CRK: variants seen among roughly 807,000 people sequenced by gnomAD.
CRK encodes CRK proto-oncogene, adaptor protein.
In CRK, 4 loss-of-function variants were observed where a neutral mutation model predicts 29.8. The observed-to-expected ratio is 0.13, with a 90% confidence interval of 0.07 to 0.31. CRK has a LOEUF of 0.31. Ranked by LOEUF, CRK falls within the 10% of genes least tolerant of loss-of-function variation. The pLI is 1.00. For synonymous variants in CRK, 153 were observed against 164.9 expected, an observed-to-expected ratio of 0.93 and a Z score of 0.55; for missense variants, 274 against 396.5, an observed-to-expected ratio of 0.69 and a Z score of 2.62.
intron 1 of CRK, among the ~76,000 whole-genome samples, chr17:1,446,179 C>T (rs2073973324): frequency 6.6e-6 from 1 of 152,152 alleles, no homozygotes; most frequent in Non-Finnish European, 1.5e-5. Context: ...ACACAGCAAG[C>T]ACAGTGTGGC....
At chr17:1,443,538 G>GGCGCCCGCCACC (rs928234698) in intron 1 of CRK, among the ~76,000 whole-genome samples, 3 of 151,836 alleles carry the variant, frequency 2.0e-5, no homozygotes, top group African/African-American at 7.3e-5. Context: ...TGGGACTACA[G>GGCGCCCGCCACC]GCGCCCGCCA....
chr17:1,423,787 C>G lies in CRK; in HGVS notation c.778-137G>C, dbSNP rs1481814036. 19 of 1,011,392 alleles carry G rather than the reference C, an allele frequency of 1.9e-5. No individual in the cohort carries two copies. The South Asian group carries it at 3.3e-4, about 18-fold the overall frequency. The allele number at this position is 1,011,392 out of a possible 1,614,324, so 62.7% of individuals were successfully genotyped here. ...CAGAAATGGCCATTTGCTGCCTCCC[C>G]AGCCCCAGCCACCAGACTGATTACT... On this transcript the variant is annotated intron_variant, in intron 2 of 2. Coordinates refer to ENST00000300574, the MANE Select transcript of CRK (RefSeq NM_016823.4).
intron 1 of CRK, among the ~76,000 whole-genome samples, chr17:1,448,990 C>T (rs563453591): frequency 2.0e-5 from 3 of 152,284 alleles, no homozygotes; most frequent in African/African-American, 7.2e-5. Context: ...GACGGAGCCA[C>T]TGCACACCAG....
chr17:1,439,475 T>C (rs543438597), intron 1 of CRK, among the ~76,000 whole-genome samples: 29 of 152,228 alleles, frequency 1.9e-4, no homozygotes, highest in South Asian at 1.0e-3. Flanking sequence ...ACTATTTTCA[T>C]TGGATTTTTC....
At chr17:1,447,141 T>G (rs1179930430) in intron 1 of CRK, among the ~76,000 whole-genome samples, 1 of 105,514 alleles carries the variant, frequency 9.5e-6, no homozygotes, top group East Asian at 2.4e-4. Flanking sequence ...CATGGCTGTG[T>G]GTTCCGGCTC....
chr17:1,440,458 G>A (rs903276389), intron 1 of CRK, among the ~76,000 whole-genome samples: 10 of 151,594 alleles, frequency 6.6e-5, no homozygotes, highest in Non-Finnish European at 1.3e-4. Context: ...GCAAGACCTT[G>A]ACTCTTAAAA....
At chr17:1,446,597 T>C (rs1291115336) in intron 1 of CRK, among the ~76,000 whole-genome samples, 1 of 149,830 alleles carries the variant, frequency 6.7e-6, no homozygotes, top group African/African-American at 2.5e-5. Context: ...TGACTTTTTT[T>C]TTTTTTTTTT....
intron 2 of CRK, among the ~76,000 whole-genome samples, chr17:1,430,660 C>T (rs1014324982): frequency 1.3e-5 from 2 of 151,800 alleles, no homozygotes; most frequent in Non-Finnish European, 2.9e-5. Flanking sequence ...CCACCACACC[C>T]AGCCTGATTC....
chr17:1,429,841 G>A (rs561204776), intron 2 of CRK, among the ~76,000 whole-genome samples: 21 of 151,796 alleles, frequency 1.4e-4, no homozygotes, highest in Non-Finnish European at 2.8e-4. Context: ...GCTGAGGTAG[G>A]GGGATCACAA....
chr17:1,444,874 C>A (rs1259008088), intron 1 of CRK, among the ~76,000 whole-genome samples: 3 of 149,666 alleles, frequency 2.0e-5, no homozygotes, highest in Non-Finnish European at 4.4e-5. Flanking sequence ...AGGGGCCAGG[C>A]ACGATGGCTC....
chr17:1,445,223 C>A (rs912291699), intron 1 of CRK, among the ~76,000 whole-genome samples: 1 of 152,098 alleles, frequency 6.6e-6, no homozygotes, highest in Non-Finnish European at 1.5e-5. Context: ...AATGAAAAGT[C>A]CTTCCGGTAG....
At chr17:1,442,881 A>G (rs1480931413) in intron 1 of CRK, among the ~76,000 whole-genome samples, 1 of 150,854 alleles carries the variant, frequency 6.6e-6, no homozygotes, top group Non-Finnish European at 1.5e-5. Flanking sequence ...TGCTGGGATG[A>G]CAGGCGTGAG....
intron 1 of CRK, among the ~76,000 whole-genome samples, chr17:1,454,292 G>A (rs1405635753): frequency 6.6e-6 from 1 of 152,134 alleles, no homozygotes; most frequent in Non-Finnish European, 1.5e-5. Flanking sequence ...TGTAATCCCA[G>A]CACTTTGGGA....
At chr17:1,432,771 C>T (rs572086701) in intron 2 of CRK, among the ~76,000 whole-genome samples, 4 of 138,922 alleles carry the variant, frequency 2.9e-5, no homozygotes, top group African/African-American at 1.1e-4. Flanking sequence ...AGCGAGACTC[C>T]GTCTCAAAAA....
At chr17:1,442,431 T>C (rs2073942212) in intron 1 of CRK, among the ~76,000 whole-genome samples, 1 of 151,708 alleles carries the variant, frequency 6.6e-6, no homozygotes, top group African/African-American at 2.4e-5. Flanking sequence ...AGATTGCAGA[T>C]GTGCACCACT....
At chr17:1,432,059 T>G (rs2073848965) in intron 2 of CRK, among the ~76,000 whole-genome samples, 1 of 152,174 alleles carries the variant, frequency 6.6e-6, no homozygotes, top group Admixed American at 6.6e-5. Context: ...GCAAAGAGAC[T>G]GATGAGTCTC....
At chr17:1,426,213 C>G (rs998329807) in intron 2 of CRK, 1 of 152,366 alleles carries the variant, frequency 6.6e-6, no homozygotes, top group African/African-American at 2.4e-5. Context: ...GCTAACCCAG[C>G]CTGTGTCGTG....
At chr17:1,442,551 C>A (rs968338126) in intron 1 of CRK, among the ~76,000 whole-genome samples, 1 of 150,912 alleles carries the variant, frequency 6.6e-6, no homozygotes, top group Non-Finnish European at 1.5e-5. Flanking sequence ...CTGCATCCAG[C>A]CATTATTAAT....
At chr17:1,442,966 A>G (rs1041087138) in intron 1 of CRK, among the ~76,000 whole-genome samples, 1 of 144,856 alleles carries the variant, frequency 6.9e-6, no homozygotes, top group African/African-American at 2.5e-5. Context: ...CTCAGCTCAC[A>G]GCAACCTCCC....
Sources: allele counts gnomAD v4.1 joint callset (sites outside exome capture counted in the v4.1 genomes callset), GRCh38; gene constraint gnomAD v4.1.1; transcripts MANE v1.5; gene names NCBI Gene and HGNC (gene_info 2026-07-23, HGNC 2026-07-21).